The following ZFHX3 variants were observed in gnomAD, a reference collection of about 807,000 sequenced individuals.
ZFHX3 encodes zinc finger homeobox protein 3.
Under a neutral mutation model 279.1 loss-of-function variants are expected in ZFHX3, and 42 were observed. That is an observed-to-expected ratio of 0.15 (90% CI 0.12 to 0.19). ZFHX3 has a LOEUF of 0.19. Ranked by LOEUF, ZFHX3 falls within the 10% of genes least tolerant of loss-of-function variation. The pLI, the probability that ZFHX3 is intolerant of heterozygous loss-of-function variation, is 1.00. For synonymous variants in ZFHX3, 2,293 were observed against 1,957.8 expected, an observed-to-expected ratio of 1.17 and a Z score of -4.52; for missense variants, 4,981 against 4,754.0, an observed-to-expected ratio of 1.05 and a Z score of -1.40.
intron 3 of ZFHX3, among the ~76,000 whole-genome samples, chr16:72,921,789 G>A (rs1317990739): frequency 6.6e-6 from 1 of 152,224 alleles, no homozygotes; most frequent in Non-Finnish European, 1.5e-5. Flanking sequence ...AGCTGGCGGG[G>A]GCCTTGTCCT....
At chr16:73,107,066 T>G (rs2144794572) in intron 7 of ZFHX3, among the ~76,000 whole-genome samples, 1 of 152,268 alleles carries the variant, frequency 6.6e-6, no homozygotes, top group South Asian at 2.1e-4. Flanking sequence ...CCTATAATCC[T>G]AGTACTTTGG....
At chr16:73,798,999 T>C (rs1018585966) in intron 1 of ZFHX3, among the ~76,000 whole-genome samples, 1 of 152,166 alleles carries the variant, frequency 6.6e-6, no homozygotes, top group Non-Finnish European at 1.5e-5. Context: ...TGCTCCTCAG[T>C]GGAAGCTGCT....
At chr16:73,118,794 A>G (rs567571039) in intron 7 of ZFHX3, among the ~76,000 whole-genome samples, 1 of 152,178 alleles carries the variant, frequency 6.6e-6, no homozygotes, top group African/African-American at 2.4e-5. Flanking sequence ...GTATGAGTAC[A>G]TGTTGAGTAG....
At chr16:73,013,272 G>C (rs375337477) in intron 1 of ZFHX3, among the ~76,000 whole-genome samples, 43 of 152,088 alleles carry the variant, frequency 2.8e-4, no homozygotes, top group Non-Finnish European at 5.4e-4. Context: ...GGACCCATGT[G>C]AAAACTCTTT....
intron 1 of ZFHX3, among the ~76,000 whole-genome samples, chr16:73,876,625 T>C (rs1298111717): frequency 3.9e-5 from 6 of 152,240 alleles, no homozygotes; most frequent in Admixed American, 2.0e-4. Context: ...TACTTGAGTA[T>C]AGAAATAGTT....
At chr16:73,020,429 C>T (rs183307094) in intron 1 of ZFHX3, among the ~76,000 whole-genome samples, 3 of 152,242 alleles carry the variant, frequency 2.0e-5, no homozygotes, top group Non-Finnish European at 4.4e-5. Flanking sequence ...TCTTAGATTC[C>T]GAAAGAAAAA....
At chr16:73,671,348 T>C (rs1240976343) in intron 2 of ZFHX3, among the ~76,000 whole-genome samples, 1 of 152,178 alleles carries the variant, frequency 6.6e-6, no homozygotes, top group Non-Finnish European at 1.5e-5. Context: ...CCAGCATCAG[T>C]GGCCTTCGAG....
intron 4 of ZFHX3, among the ~76,000 whole-genome samples, chr16:72,864,129 A>T (rs1002033425): frequency 2.0e-5 from 3 of 151,930 alleles, no homozygotes; most frequent in African/African-American, 7.3e-5. Context: ...AAAAAAAAAA[A>T]TTTCCTTCCC....
At chr16:73,731,477 T>G (rs1170479696) in intron 1 of ZFHX3, among the ~76,000 whole-genome samples, 1 of 151,618 alleles carries the variant, frequency 6.6e-6, no homozygotes, top group Non-Finnish European at 1.5e-5. Flanking sequence ...TTTTTTTTTT[T>G]GTTAGAAAAA....
At chr16:73,468,781 G>C (rs2018614711) in intron 2 of ZFHX3, among the ~76,000 whole-genome samples, 1 of 152,128 alleles carries the variant, frequency 6.6e-6, no homozygotes, top group Non-Finnish European at 1.5e-5. Context: ...GAAAAGATTT[G>C]AGTTTTTCTC....
At chr16:73,739,951 T>G (rs1349984126) in intron 1 of ZFHX3, among the ~76,000 whole-genome samples, 1 of 152,296 alleles carries the variant, frequency 6.6e-6, no homozygotes, top group East Asian at 1.9e-4. Flanking sequence ...ACCAGCCAAC[T>G]GTGTGCACTT....
At chr16:73,305,089 G>C (rs1360735106) in intron 4 of ZFHX3, among the ~76,000 whole-genome samples, 1 of 150,000 alleles carries the variant, frequency 6.7e-6, no homozygotes, top group East Asian at 1.9e-4. Context: ...AAAAAAAAAA[G>C]CAGCCTAGGA....
chr16:73,249,664 T>A (rs1330806466), intron 5 of ZFHX3, among the ~76,000 whole-genome samples: 2 of 152,116 alleles, frequency 1.3e-5, no homozygotes, highest in Admixed American at 6.5e-5. Context: ...CCAAACCATA[T>A]CAGAGATTTT....
chr16:73,478,592 C>A (rs1211323280), intron 2 of ZFHX3, among the ~76,000 whole-genome samples: 1 of 152,140 alleles, frequency 6.6e-6, no homozygotes, highest in African/African-American at 2.4e-5. Flanking sequence ...AGCAAATGTC[C>A]AAACTTTCTT....
chr16:72,916,810 C>A (rs2039453386), intron 3 of ZFHX3, among the ~76,000 whole-genome samples: 1 of 152,056 alleles, frequency 6.6e-6, no homozygotes, highest in African/African-American at 2.4e-5. Flanking sequence ...TAGAGGAACC[C>A]CTATCTCACA....
intron 7 of ZFHX3, among the ~76,000 whole-genome samples, chr16:73,107,309 C>T (rs1323643466): frequency 6.6e-6 from 1 of 150,862 alleles, no homozygotes; most frequent in Non-Finnish European, 1.5e-5. Context: ...GACTCTGTCT[C>T]AAAAAATAAT....
chr16:72,931,839 G>C (rs903488542), intron 3 of ZFHX3, among the ~76,000 whole-genome samples: 1 of 152,176 alleles, frequency 6.6e-6, no homozygotes, highest in Non-Finnish European at 1.5e-5. Context: ...TGTGAGCTTT[G>C]CAACACCAGC....
intron 3 of ZFHX3, among the ~76,000 whole-genome samples, chr16:73,455,555 A>G (rs1384880674): frequency 1.3e-5 from 2 of 152,164 alleles, no homozygotes; most frequent in African/African-American, 4.8e-5. Context: ...TCATAATTCA[A>G]TGAAGTCATT....
intron 9 of ZFHX3, chr16:72,791,329 G>C (rs1386602227): frequency 2.0e-5 from 3 of 152,224 alleles, no homozygotes; most frequent in Non-Finnish European, 4.4e-5. Flanking sequence ...TTTGAGAACT[G>C]TGTTACGGTC....
Sources: gnomAD v4.1 joint callset for allele counts (sites outside exome capture counted in the v4.1 genomes callset) on GRCh38, gnomAD v4.1.1 for gene constraint, MANE v1.5 for transcripts, NCBI Gene and HGNC (gene_info 2026-07-23, HGNC 2026-07-21) for gene names.